The following MRE11 variants were observed in gnomAD, a reference collection of about 807,000 sequenced individuals.
MRE11 encodes the protein double-strand break repair protein MRE11.
Under a neutral mutation model 91.7 loss-of-function variants are expected in MRE11, and 62 were observed. The ratio of observed to expected loss-of-function variants is 0.68; its 90% CI spans 0.55 to 0.84. MRE11 has a LOEUF of 0.84. Among genes scored for constraint, MRE11 ranks in the 40% least tolerant of loss-of-function variants. The pLI is 0.00. For synonymous variants in MRE11, 273 were observed against 271.4 expected, an observed-to-expected ratio of 1.01 and a Z score of -0.06; for missense variants, 796 against 852.9, an observed-to-expected ratio of 0.93 and a Z score of 0.83.
At chr11:94,475,507 C>G in intron 7 of MRE11, 2 of 440,476 alleles carry the variant, frequency 4.5e-6, no homozygotes, top group South Asian at 3.2e-5. Context: ...CGGTGTGTCC[C>G]TCCCATTTCT....
At position 94,417,530 on chromosome 11, in the gene MRE11, T is replaced by C. The variant is rs1431067414; in HGVS notation, c.*2595A>G. ...TTGCAACTACACTAACTTCGTAATT[T>C]TAGATTTGCAGTTGCATCCTCCTAA... is the stretch of plus-strand genomic sequence containing the variant. On this transcript the variant is annotated 3_prime_UTR_variant, in exon 20 of 20. Transcript: ENST00000323929. The C allele has an allele frequency of 4.3e-6, 1 of 232,944 alleles. No individual in the cohort carries two copies. Among genetic ancestry groups the C allele is most frequent in the Non-Finnish European group, 8.5e-6 (1 of 117,950 alleles). The allele number at this position is 232,944 out of a possible 1,614,324, so 14.4% of individuals were successfully genotyped here. A position where few individuals can be genotyped will look rare whatever the true frequency, so the allele number is the denominator to read the frequency against.
chr11:94,463,049 T>A (rs1565222983), intron 11 of MRE11, among the ~76,000 whole-genome samples: 1 of 152,048 alleles, frequency 6.6e-6, no homozygotes, highest in Non-Finnish European at 1.5e-5. Flanking sequence ...AGGGCTAATA[T>A]CCAGAATCTA....
chr11:94,435,155 G>A (rs753249371), intron 18 of MRE11, among the ~76,000 whole-genome samples: 16 of 152,306 alleles, frequency 1.1e-4, no homozygotes, highest in Non-Finnish European at 1.6e-4. Context: ...AGTACCATGT[G>A]TAGTTAAGAA....
intron 19 of MRE11, among the ~76,000 whole-genome samples, chr11:94,427,058 A>G (rs1251073141): frequency 6.6e-6 from 1 of 152,232 alleles, no homozygotes; most frequent in East Asian, 1.9e-4. Context: ...AGCCAGCATC[A>G]GCCTGATACC....
chr11:94,428,325 A>G (rs1163504072), intron 19 of MRE11, among the ~76,000 whole-genome samples: 1 of 152,240 alleles, frequency 6.6e-6, no homozygotes, highest in Non-Finnish European at 1.5e-5. Context: ...GTGCTAGGAT[A>G]ACCGGCTAGC....
chr11:94,494,665 C>T (rs1009972190), upstream of MRE11, among the ~76,000 whole-genome samples: 2 of 151,986 alleles, frequency 1.3e-5, no homozygotes. Context: ...AACTGTAAGT[C>T]GGGTAGATGC....
intron 12 of MRE11, among the ~76,000 whole-genome samples, chr11:94,460,723 A>G (rs1212480787): frequency 6.6e-6 from 1 of 152,224 alleles, no homozygotes; most frequent in Non-Finnish European, 1.5e-5. Context: ...TAACAGCTAT[A>G]TTAATAACAG....
At chr11:94,488,582 G>C (rs1947201662) in intron 3 of MRE11, among the ~76,000 whole-genome samples, 1 of 152,182 alleles carries the variant, frequency 6.6e-6, no homozygotes, top group Admixed American at 6.5e-5. Context: ...ACTGGATAAA[G>C]AAAATGTGGT....
At chr11:94,441,890 T>C (rs1020991020) in intron 16 of MRE11, among the ~76,000 whole-genome samples, 3 of 149,546 alleles carry the variant, frequency 2.0e-5, no homozygotes, top group Non-Finnish European at 3.0e-5. Flanking sequence ...GACAGGAAAA[T>C]TGTTTGAACC....
intron 14 of MRE11, among the ~76,000 whole-genome samples, chr11:94,448,076 T>C (rs1945990695): frequency 6.6e-6 from 1 of 152,108 alleles, no homozygotes; most frequent in Non-Finnish European, 1.5e-5. Flanking sequence ...ACTGTCATCA[T>C]TTGAGCTACT....
chr11:94,448,929 CAAACTAT>C (rs1456740450), intron 14 of MRE11, among the ~76,000 whole-genome samples: 1 of 152,150 alleles, frequency 6.6e-6, no homozygotes, highest in African/African-American at 2.4e-5. Context: ...CCCAAACACA[CAAACTAT>C]AAAGAAGAGT....
At chr11:94,422,127 A>G (rs1945186943) in intron 19 of MRE11, among the ~76,000 whole-genome samples, 1 of 152,238 alleles carries the variant, frequency 6.6e-6, no homozygotes, top group Admixed American at 6.5e-5. Flanking sequence ...GCAAATCAAC[A>G]AAAACTAGCA....
At chr11:94,479,977 A>C (rs565902866) in intron 4 of MRE11, among the ~76,000 whole-genome samples, 1 of 152,324 alleles carries the variant, frequency 6.6e-6, no homozygotes, top group East Asian at 1.9e-4. Flanking sequence ...AAGAAACCCC[A>C]ACTATAATAA....
the MRE11 span, among the ~76,000 whole-genome samples, chr11:94,500,419 G>A: frequency 2.0e-5 from 3 of 152,168 alleles, no homozygotes; most frequent in Non-Finnish European, 4.4e-5. Flanking sequence ...ATACTTTCCA[G>A]AGCATTCACT....
the MRE11 span, among the ~76,000 whole-genome samples, chr11:94,508,459 G>A: frequency 6.6e-6 from 1 of 152,118 alleles, no homozygotes; most frequent in Non-Finnish European, 1.5e-5. Flanking sequence ...CATGCGGTAG[G>A]AGTCAAAGTT....
At chr11:94,498,656 T>G (rs2135163584), upstream of MRE11, 11 of 821,006 alleles carry the variant, frequency 1.3e-5, 1 homozygote, top group South Asian at 2.0e-4. Context: ...ATTATAACAT[T>G]CTTCCAAGTG....
chr11:94,432,260 T>C (rs1945480136), intron 18 of MRE11, among the ~76,000 whole-genome samples: 1 of 152,224 alleles, frequency 6.6e-6, no homozygotes, highest in South Asian at 2.1e-4. Flanking sequence ...CTGATTTGCA[T>C]CTGCGCCCAT....
intron 6 of MRE11, among the ~76,000 whole-genome samples, chr11:94,478,506 A>G (rs1946929491): frequency 6.6e-6 from 1 of 152,174 alleles, no homozygotes. Context: ...TAATTCTAAC[A>G]TTCAGGATTC....
chr11:94,501,139 T>A, the MRE11 span, among the ~76,000 whole-genome samples: 1 of 152,216 alleles, frequency 6.6e-6, no homozygotes, highest in Admixed American at 6.5e-5. Context: ...TTAAGGTCTA[T>A]CTTTATTAAG....
Sources: gnomAD v4.1 joint callset for allele counts (sites outside exome capture counted in the v4.1 genomes callset) on GRCh38, gnomAD v4.1.1 for gene constraint, MANE v1.5 for transcripts, NCBI Gene and HGNC (gene_info 2026-07-23, HGNC 2026-07-21) for gene names.